Variants in TMPRSS9 observed in about 807,000 individuals in gnomAD.
TMPRSS9 encodes transmembrane serine protease 9.
TMPRSS9 carries 113 observed loss-of-function variants against 111.4 expected under a neutral mutation model. The ratio of observed to expected loss-of-function variants is 1.01; its 90% confidence interval spans 0.87 to 1.19. The LOEUF (loss-of-function observed/expected upper bound fraction) is 1.19, where lower values mean the gene tolerates loss of function less well. Among genes scored for constraint, TMPRSS9 ranks in the 50% most tolerant of loss-of-function variants. The pLI is 0.00. For synonymous variants in TMPRSS9, 805 were observed against 659.1 expected (o/e 1.22, Z -3.39); for missense variants, 1,803 against 1,513.1 (o/e 1.19, Z -3.18).
chr19:2,402,232 AAAT>A (rs1428368589), intron 5 of TMPRSS9, among the ~76,000 whole-genome samples: 5 of 151,266 alleles, frequency 3.3e-5, no homozygotes, highest in African/African-American at 1.2e-4. Flanking sequence ...ATCTCTACAA[AAAT>A]AATAATAAAA....
intron 9 of TMPRSS9, among the ~76,000 whole-genome samples, chr19:2,412,405 A>G (rs1491001674): frequency 2.0e-5 from 3 of 152,132 alleles, no homozygotes; most frequent in Non-Finnish European, 1.5e-5. Context: ...CGCCGTCTCA[A>G]ACAAAATTGA....
At chr19:2,401,191 G>A (rs1036483467) in intron 4 of TMPRSS9, among the ~76,000 whole-genome samples, 5 of 151,918 alleles carry the variant, frequency 3.3e-5, no homozygotes, top group Admixed American at 2.0e-4. Context: ...GGAGAATAGC[G>A]TGAACCCGGG....
At chr19:2,416,741 C>G in exon 12 of TMPRSS9, 1 of 1,613,094 alleles carries the variant, frequency 6.2e-7, no homozygotes, top group Non-Finnish European at 8.5e-7. Context: ...CTGCCCCTGG[C>G]CATCCAGAAG....
chr19:2,384,981 CA>C (rs1340652495), upstream of TMPRSS9, among the ~76,000 whole-genome samples: 2,012 of 99,276 alleles, frequency 0.02, 17 homozygotes, highest in Middle Eastern at 0.086. Flanking sequence ...AACTCCATCT[CA>C]AAAAAAAAAA....
At chr19:2,409,094 C>T (rs35424229) in intron 8 of TMPRSS9, among the ~76,000 whole-genome samples, 1 of 150,524 alleles carries the variant, frequency 6.6e-6, no homozygotes, top group African/African-American at 2.4e-5. Context: ...ACGAATTCCA[C>T]TGCTTGCTAA....
intron 15 of TMPRSS9, among the ~76,000 whole-genome samples, chr19:2,424,585 C>G (rs1971558179): frequency 6.6e-6 from 1 of 151,240 alleles, no homozygotes; most frequent in African/African-American, 2.4e-5. Flanking sequence ...GGGGTCACTT[C>G]TTTCCCCAGC....
intron 11 of TMPRSS9, chr19:2,416,334 TC>T: frequency 1.5e-6 from 1 of 648,994 alleles, no homozygotes; most frequent in Non-Finnish European, 2.5e-6. Context: ...TTGTCCGAGG[TC>T]CCCCAGCTTG....
intron 1 of TMPRSS9, among the ~76,000 whole-genome samples, chr19:2,393,096 G>T (rs1406856098): frequency 1.3e-5 from 2 of 152,216 alleles, no homozygotes; most frequent in Non-Finnish European, 2.9e-5. Context: ...CCAATCAGGA[G>T]GATGTGGGTG....
At chr19:2,401,096 A>G (rs1323624616) in intron 4 of TMPRSS9, among the ~76,000 whole-genome samples, 2 of 150,436 alleles carry the variant, frequency 1.3e-5, no homozygotes, top group East Asian at 3.9e-4. Flanking sequence ...AACACGGTGA[A>G]ACCCCGTCTC....
chr19:2,414,173 C>A, intron 10 of TMPRSS9, 155 bp downstream of exon 11: 2 of 751,284 alleles, frequency 2.7e-6, no homozygotes, highest in Non-Finnish European at 4.1e-6. Context: ...TTGCGTGTAC[C>A]CTCATGGTAT....
intron 1 of TMPRSS9, among the ~76,000 whole-genome samples, chr19:2,360,767 ACT>A (rs1568463397): frequency 1.3e-5 from 2 of 150,956 alleles, no homozygotes; most frequent in African/African-American, 2.4e-5. Context: ...GGTTGTGTGG[ACT>A]CAGGTGTGGT....
rs1411786890 is a variant in TMPRSS9 at position 2,416,523 on chromosome 19, G to A, written c.1746-15G>A. 6.3e-7 allele frequency: 1 copy of A among 1,597,030 alleles called. No homozygotes were observed. Among genetic ancestry groups the A allele is most frequent in the Non-Finnish European group, 8.5e-7 (1 of 1,172,602 alleles). Reference sequence around the variant, plus strand: ...TGCTGGAGGGCAGGCATGTCTGAGGGCCCTGTCTCCATAGCACGAAGGTGG... The same window carrying A: ...TGCTGGAGGGCAGGCATGTCTGAGGACCCTGTCTCCATAGCACGAAGGTGG... On this transcript the variant is annotated splice_polypyrimidine_tract_variant and intron_variant, in intron 11 of 17. Coordinates refer to ENST00000648592, the Ensembl canonical transcript of TMPRSS9.
exon 11 of TMPRSS9, chr19:2,415,798 G>A: frequency 1.2e-6 from 2 of 1,605,342 alleles, no homozygotes; most frequent in Non-Finnish European, 1.7e-6. Context: ...AGCAACTGTG[G>A]TGGGGGACCG....
chr19:2,363,437 C>T (rs1353845369), intron 1 of TMPRSS9, among the ~76,000 whole-genome samples: 2 of 140,652 alleles, frequency 1.4e-5, no homozygotes, highest in African/African-American at 2.7e-5. Context: ...CAGGTGAGGG[C>T]GGAATGAAGG....
exon 8 of TMPRSS9, chr19:2,408,431 G>A (rs1971017993): frequency 6.2e-7 from 1 of 1,613,866 alleles, no homozygotes; most frequent in African/African-American, 1.3e-5. Flanking sequence ...GCACCGTGCG[G>A]GCCCAGGTGG....
intron 1 of TMPRSS9, among the ~76,000 whole-genome samples, chr19:2,363,404 G>T (rs1028672928): frequency 6.6e-6 from 1 of 151,944 alleles, no homozygotes; most frequent in East Asian, 1.9e-4. Flanking sequence ...TTGCGGAGAC[G>T]TGGAGGCATG....
At chr19:2,381,965 C>T (rs921907642) in intron 1 of TMPRSS9, among the ~76,000 whole-genome samples, 6 of 152,176 alleles carry the variant, frequency 3.9e-5, no homozygotes, top group South Asian at 2.1e-4. Context: ...ATCTTAGGCT[C>T]CCAAATAGCT....
At chr19:2,360,962 T>G (rs12977404) in intron 1 of TMPRSS9, among the ~76,000 whole-genome samples, 74,483 of 146,570 alleles carry the variant, frequency 0.51, 20,758 homozygotes, top group Non-Finnish European at 0.62. Flanking sequence ...GTGTGTAGAT[T>G]CGGCCTAGTT....
At chr19:2,425,108 A>C in exon 16 of TMPRSS9, 1 of 1,584,136 alleles carries the variant, frequency 6.3e-7, no homozygotes, top group Non-Finnish European at 8.5e-7. Context: ...CCCGTTCTAC[A>C]ATCTCTACAC....
Sources: allele counts gnomAD v4.1 joint callset (sites outside exome capture counted in the v4.1 genomes callset), GRCh38; gene constraint gnomAD v4.1.1; transcripts MANE v1.5; gene names NCBI Gene and HGNC (gene_info 2026-07-23, HGNC 2026-07-21).